RTP5: variants seen among roughly 807,000 people sequenced by gnomAD.
RTP5 encodes receptor-transporting protein 5.
Under a neutral mutation model 23.5 loss-of-function variants are expected in RTP5, and 30 were observed. That is an observed-to-expected ratio of 1.27 (90% CI 0.95 to 1.73). The LOEUF is 1.73. Among genes scored for constraint, RTP5 ranks in the 40% most tolerant of loss-of-function variants. The pLI, the probability that RTP5 is intolerant of heterozygous loss-of-function variation, is 0.00. For missense variants in RTP5, 807 were observed against 784.2 expected (o/e 1.03, Z -0.35); for synonymous variants, 354 against 342.1 (o/e 1.03, Z -0.38).
chr2:241,873,276 G>C lies in RTP5; in HGVS notation c.*2G>C. ...GGGATCTACCCGCAGCAAGTGTGAC[G>C]CCCCGAAGTTCAGGCAACCCTCGCC... On this transcript the variant is annotated 3_prime_UTR_variant, in exon 2 of 2. Coordinates refer to ENST00000343216, the MANE Select transcript of RTP5 (RefSeq NM_173821.3). 1 of 1,566,864 alleles carries C rather than the reference G, an allele frequency of 6.4e-7. No individual in the cohort carries two copies. The highest frequency in any genetic ancestry group is 1.3e-5 in the African/African-American group (1 of 74,410).
rs1371922224 is a variant in RTP5, at chr2:241,873,393, C to T, written c.*119C>T. ...GAGACCCCGCCTCCACCTCCGAGAC[C>T]CCTTTCTCTGAGACCCCCGCCTCTG... is the stretch of plus-strand genomic sequence containing the variant. On this transcript the variant is annotated 3_prime_UTR_variant, in exon 2 of 2. Coordinates refer to ENST00000343216, the MANE Select transcript of RTP5 (RefSeq NM_173821.3). 1 of 952,910 alleles carries T rather than the reference C, an allele frequency of 1.0e-6. No homozygotes were observed. The highest frequency in any genetic ancestry group is 1.3e-6 in the Non-Finnish European group (1 of 761,674). The allele number at this position is 952,910 out of a possible 1,614,324, so 59.0% of individuals were successfully genotyped here. A position where few individuals can be genotyped will look rare whatever the true frequency, so the allele number is the denominator to read the frequency against.
rs749246212 is a variant in RTP5 at position 241,872,405 on chromosome 2, G to A, written c.850G>A (p.Glu284Lys). The A allele has an allele frequency of 5.6e-6, 9 of 1,612,324 alleles. No homozygotes were observed. The highest frequency in any genetic ancestry group is 2.2e-5 in the South Asian group (2 of 91,006). ...CCTCGGCAGCAGCATCCAGACCTTCGAGCTCAAGGGCTTCCTCTTCAAAGG... is the reference window on the plus strand; with the variant it reads ...CCTCGGCAGCAGCATCCAGACCTTCAAGCTCAAGGGCTTCCTCTTCAAAGG... ...GLLGSSIQTF[E>K]LKGFLFKGRG... The change falls in exon 2 of 2, where the codon GAG (glutamate) becomes AAG (lysine). Residue 284 changes from glutamate (E) to lysine (K), a missense_variant. Transcript: ENST00000343216.
rs1311969911 is a variant in RTP5, at chr2:241,872,993, G to C, written c.1438G>C (p.Asp480His). The C allele has an allele frequency of 6.2e-7, 1 of 1,613,174 alleles. No homozygotes were observed. Among genetic ancestry groups the C allele is most frequent in the South Asian group, 1.1e-5 (1 of 91,082 alleles). Residue 480 changes from aspartate (D) to histidine (H), a missense_variant, in exon 2 of 2, where the codon GAT becomes CAT. Asp to His is a moderately conservative substitution (Grantham distance 81, BLOSUM62 -1). Coordinates refer to ENST00000343216, the MANE Select transcript of RTP5 (RefSeq NM_173821.3). ...GCITIPFAVF[D>H]VIKRKGGGHV... ...CATCACCATCCCCTTCGCAGTCTTC[G>C]ATGTCATAAAGCGCAAGGGCGGTGG...
At chr2:241,870,001 G>A in intron 1 of RTP5, 87 bp downstream of exon 1, 1 of 1,287,784 alleles carries the variant, frequency 7.8e-7, no homozygotes, top group Non-Finnish European at 1.0e-6. Context: ...GAGGCTGGGT[G>A]GGGCTGTTGG....
At position 241,872,369 on chromosome 2, in the gene RTP5, G is replaced by A. The variant is rs765873241; in HGVS notation, c.814G>A (p.Gly272Ser). 37 of 1,611,918 alleles carry A rather than the reference G, an allele frequency of 2.3e-5. No homozygotes were observed. Among genetic ancestry groups the A allele is most frequent in the East Asian group, 6.7e-5 (3 of 44,872 alleles). The stretch of plus-strand genomic sequence containing the variant: ...GGCCATTGGAGACCCCCTCTTCCAC[G>A]GCCCCGGCCTCCTCGGCAGCAGCAT... ...PVAIGDPLFH[G>S]PGLLGSSIQT... is the part of the protein sequence containing the mutation. The change falls in exon 2 of 2, where the codon GGC becomes AGC. Residue 272 changes from glycine to serine, a missense_variant. Physicochemically the swap from Gly to Ser is moderately conservative, Grantham distance 56. Transcript: ENST00000343216.
chr2:241,873,367 C>T lies in RTP5; in HGVS notation c.*93C>T, dbSNP rs1378441342. On this transcript the variant is annotated 3_prime_UTR_variant, in exon 2 of 2. Transcript: ENST00000343216. ...GCCTTTGAGATGCCCGCCCCGCCTC[C>T]GAGACCCCGCCTCCACCTCCGAGAC... 1.9e-5 allele frequency: 26 copies of T among 1,382,660 alleles called. No homozygotes were observed. The highest frequency in any genetic ancestry group is 6.0e-5 in the African/African-American group (4 of 66,654). 85.6% of individuals were successfully genotyped at this position (1,382,660 alleles called of 1,614,324 possible).
chr2:241,869,990 A>G, intron 1 of RTP5, 76 bp downstream of exon 1: 1 of 1,207,714 alleles, frequency 8.3e-7, no homozygotes, highest in Non-Finnish European at 1.1e-6. Flanking sequence ...GGGTGGTCCC[A>G]GAGGCTGGGT....
rs1197879946 is a variant in RTP5, at chr2:241,872,527, C to G, written c.972C>G (p.Thr324=). 1.3e-6 allele frequency: 2 copies of G among 1,581,422 alleles called. No individual in the cohort carries two copies. The highest frequency in any genetic ancestry group is 1.8e-5 in the Admixed American group (1 of 55,332). The part of the protein sequence containing the change: ...GLVPVGKHTP[T]VFYCVGLSAS... Reference sequence around the variant, plus strand: ...TCCCTGTGGGGAAACACACGCCAACCGTGTTCTACTGTGTGGGCCTCTCGG... The same window carrying G: ...TCCCTGTGGGGAAACACACGCCAACGGTGTTCTACTGTGTGGGCCTCTCGG... Residue 324 remains threonine, a synonymous_variant, in exon 2 of 2, where the codon ACC becomes ACG. Coordinates refer to ENST00000343216, the MANE Select transcript of RTP5 (RefSeq NM_173821.3).
Position 241,873,037 on chromosome 2 carries a change from C to G in RTP5, c.1482C>G (p.Pro494=). The G allele has an allele frequency of 6.2e-7, 1 of 1,613,128 alleles. No homozygotes were observed. The highest frequency in any genetic ancestry group is 1.1e-5 in the South Asian group (1 of 91,072). ...GCGGTGGCCACGTTGCCTACGGCCC[C>G]CAGGGCAATGGCTGCTTCTCCCAAG... The part of the protein sequence containing the change: ...RKGGGHVAYG[P]QGNGCFSQGY... Residue 494 remains proline, a synonymous_variant, in exon 2 of 2, where the codon CCC becomes CCG. Transcript: ENST00000343216.
At chr2:241,871,611 G>A (rs903236967) in intron 1 of RTP5, 103 bp from the exon 2 acceptor site, 5 of 1,388,980 alleles carry the variant, frequency 3.6e-6, no homozygotes, top group Non-Finnish European at 4.7e-6. Flanking sequence ...GGGGCAGCGA[G>A]GCGCTGGGGT....
intron 1 of RTP5, among the ~76,000 whole-genome samples, chr2:241,870,744 C>T (rs951036543): frequency 3.3e-5 from 5 of 152,238 alleles, no homozygotes; most frequent in Admixed American, 6.5e-5. Flanking sequence ...TGGCTCTGAG[C>T]GGCTCCCAGC....
At chr2:241,870,907 G>C in intron 1 of RTP5, 1 of 470,564 alleles carries the variant, frequency 2.1e-6, no homozygotes, top group Non-Finnish European at 4.4e-6. Flanking sequence ...GGAGGCTGCA[G>C]GCAGGGCAGT....
At chr2:241,871,019 T>A (rs1701307126) in intron 1 of RTP5, 2 of 470,996 alleles carry the variant, frequency 4.2e-6, no homozygotes, top group Non-Finnish European at 8.8e-6. Context: ...GCTGCTTGTG[T>A]GGCTAGCAAA....
chr2:241,870,720 C>T (rs1701301692), intron 1 of RTP5, among the ~76,000 whole-genome samples: 1 of 152,278 alleles, frequency 6.6e-6, no homozygotes. Context: ...ACTGTTCCCA[C>T]AGCCAGGTGG....
At position 241,873,239 on chromosome 2, in the gene RTP5, C is replaced by T. The variant is rs1423096947; in HGVS notation, c.1684C>T (p.Arg562Trp). ...CGTCTTCTGGCTGATGTGCATGTGT[C>T]GGCTGAACCCCGGGATCTACCCGCA... ...VCVFWLMCMC[R>W]LNPGIYPQQV Residue 562 changes from arginine to tryptophan, a missense_variant, in exon 2 of 2, where the codon CGG (arginine) becomes TGG (tryptophan). Coordinates refer to ENST00000343216, the MANE Select transcript of RTP5 (RefSeq NM_173821.3). 5 of 1,595,220 alleles carry T rather than the reference C, an allele frequency of 3.1e-6. No individual in the cohort carries two copies. The highest frequency in any genetic ancestry group is 4.3e-6 in the Non-Finnish European group (5 of 1,175,264).
Position 241,872,484 on chromosome 2 carries a change from CCCTCAACAATGG to C in RTP5, c.934_945del (p.Asn312_Leu315del), listed in dbSNP as rs1701344073. ...GTGGCCCAGGGCTGGGGCCCCATCT[CCCTCAACAATGG>C]CCTCGTCCCTGTGGGGAAACACACG... is the stretch of plus-strand genomic sequence containing the variant. On this transcript the variant is annotated inframe_deletion, in exon 2 of 2. Coordinates refer to ENST00000343216, the MANE Select transcript of RTP5 (RefSeq NM_173821.3). 1.3e-6 allele frequency: 2 copies of C among 1,596,056 alleles called. No homozygotes were observed. Among genetic ancestry groups the C allele is most frequent in the Non-Finnish European group, 1.7e-6 (2 of 1,172,278 alleles).
chr2:241,873,441 G>T lies in RTP5; in HGVS notation c.*167G>T. The T allele has an allele frequency of 2.3e-6, 1 of 427,334 alleles. No homozygotes were observed. The highest frequency in any genetic ancestry group is 3.6e-6 in the Non-Finnish European group (1 of 280,630). 26.5% of individuals were successfully genotyped at this position (427,334 alleles called of 1,614,324 possible). ...CTGAGGCCCCGCCCCCCGCCTCCGA[G>T]ACCCCGCCCTGCCTCTGAGACCCCG... On this transcript the variant is annotated 3_prime_UTR_variant, in exon 2 of 2. Coordinates refer to ENST00000343216, the MANE Select transcript of RTP5 (RefSeq NM_173821.3).
Position 241,872,797 on chromosome 2 carries a change from C to T in RTP5, c.1242C>T (p.Pro414=). The change falls in exon 2 of 2, where the codon CCC becomes CCT. Residue 414 remains proline, a synonymous_variant. Transcript: ENST00000343216. ...CAGAGACCAATGCTGGTGGCCTCCCCTCCCAGGTCAAGGGCTCCCTTGCCC... is the reference window on the plus strand; with the variant it reads ...CAGAGACCAATGCTGGTGGCCTCCCTTCCCAGGTCAAGGGCTCCCTTGCCC... ...ALPETNAGGL[P]SQVKGSLALP... 6.2e-7 allele frequency: 1 copy of T among 1,609,214 alleles called. No homozygotes were observed. The highest frequency in any genetic ancestry group is 1.1e-5 in the South Asian group (1 of 90,878).
intron 1 of RTP5, among the ~76,000 whole-genome samples, chr2:241,871,483 G>A (rs962951995): frequency 3.3e-5 from 5 of 152,234 alleles, no homozygotes; most frequent in South Asian, 2.1e-4. Context: ...GTGTGTGGCC[G>A]AGGGGCTGGT....
Sources: gnomAD v4.1 joint callset for allele counts (sites outside exome capture counted in the v4.1 genomes callset) on GRCh38, gnomAD v4.1.1 for gene constraint, MANE v1.5 for transcripts, NCBI Gene and HGNC (gene_info 2026-07-23, HGNC 2026-07-21) for gene names.